The following ABCC4 variants were observed in gnomAD, a reference collection of about 807,000 sequenced individuals.
The protein encoded by ABCC4 is ATP binding cassette subfamily C member 4 (PEL blood group), also known as ATP-binding cassette sub-family C member 4.
In ABCC4, 102 loss-of-function variants were observed where a neutral mutation model predicts 168.5. The observed-to-expected ratio is 0.61, with a 90% CI of 0.52 to 0.71. The LOEUF (loss-of-function observed/expected upper bound fraction) is 0.71, where lower values mean the gene tolerates loss of function less well. Among genes scored for constraint, ABCC4 ranks in the 30% least tolerant of loss-of-function variants. The pLI is 0.00. For missense variants in ABCC4, 1,402 were observed against 1,605.8 expected (o/e 0.87, Z 2.17); for synonymous variants, 617 against 590.7 (o/e 1.04, Z -0.65).
intron 29 of ABCC4, among the ~76,000 whole-genome samples, chr13:95,039,330 G>T (rs1280847766): frequency 6.6e-6 from 1 of 152,122 alleles, no homozygotes; most frequent in Non-Finnish European, 1.5e-5. Context: ...CAGATTAGGG[G>T]ACTCAATCTG....
chr13:95,184,385 C>T (rs1204425957), intron 11 of ABCC4, among the ~76,000 whole-genome samples: 1 of 152,172 alleles, frequency 6.6e-6, no homozygotes, highest in African/African-American at 2.4e-5. Context: ...TATCAATCAC[C>T]TAATTGTTAA....
At chr13:95,080,308 T>C (rs1185775516) in intron 21 of ABCC4, among the ~76,000 whole-genome samples, 2 of 152,200 alleles carry the variant, frequency 1.3e-5, no homozygotes, top group African/African-American at 4.8e-5. Flanking sequence ...CCATTCCGGT[T>C]TTTATGTACT....
At chr13:95,097,225 A>G (rs1476542732) in intron 20 of ABCC4, among the ~76,000 whole-genome samples, 1 of 92,994 alleles carries the variant, frequency 1.1e-5, no homozygotes, top group Non-Finnish European at 2.4e-5. Context: ...AAAAATAAGA[A>G]CATATATTCT....
At chr13:95,172,364 T>C (rs1209376951) in intron 13 of ABCC4, among the ~76,000 whole-genome samples, 4 of 152,118 alleles carry the variant, frequency 2.6e-5, no homozygotes, top group African/African-American at 9.7e-5. Flanking sequence ...GACAGATCAC[T>C]TGAGGTCGGG....
chr13:95,023,032 C>T (rs1044160379), intron 30 of ABCC4, among the ~76,000 whole-genome samples: 4 of 152,228 alleles, frequency 2.6e-5, no homozygotes, highest in East Asian at 1.9e-4. Flanking sequence ...ATATCATCTC[C>T]CTCTCCCACT....
At position 95,208,350 on chromosome 13, in the gene ABCC4, AAG is replaced by A. The variant is rs1491234623; in HGVS notation, c.786-427_786-426del. ...AAGAGGAGAGCAAAAAAAAAAAAAAAAGCTTCAGAGGACCAGGAGCATTTGAA... is the reference window on the plus strand; with the variant it reads ...AAGAGGAGAGCAAAAAAAAAAAAAAACTTCAGAGGACCAGGAGCATTTGAA... On this transcript the variant is annotated intron_variant, in intron 6 of 30. Transcript: ENST00000645237. 2.7e-3 allele frequency among the ~76,000 whole-genome samples: 341 copies of A among 126,014 alleles called. 1 individual carries two copies. The highest frequency in any genetic ancestry group is 7.6e-3 in the African/African-American group (239 of 31,532). The allele number at this position is 126,014 out of a possible 152,430, so 82.7% of individuals were successfully genotyped here. A position where few individuals can be genotyped will look rare whatever the true frequency, so the allele number is the denominator to read the frequency against.
In ABCC4 at chr13:95,054,761, C is replaced by A. The variant is rs146475461; in HGVS notation, c.3367-1577G>T. Among the ~76,000 whole-genome samples, 458 of 152,234 alleles carry A rather than the reference C, an allele frequency of 3.0e-3. 5 individuals are homozygous for A. Among genetic ancestry groups the A allele is most frequent in the African/African-American group, 0.011 (441 of 41,522 alleles). Reference sequence around the variant, plus strand: ...ACCACTGGCCTCAAATCTCACCTGGCTTTGGGGCAGGACTGTTCCTCCTCA... The same window carrying A: ...ACCACTGGCCTCAAATCTCACCTGGATTTGGGGCAGGACTGTTCCTCCTCA... On this transcript the variant is annotated intron_variant, in intron 26 of 30. Transcript: ENST00000645237.
chr13:95,034,241 T>G (rs991683666), intron 30 of ABCC4, among the ~76,000 whole-genome samples: 1 of 152,208 alleles, frequency 6.6e-6, no homozygotes, highest in African/African-American at 2.4e-5. Flanking sequence ...TCAATAAGAA[T>G]GAAATGCAAT....
chr13:95,224,205 A>C (rs917069141), intron 4 of ABCC4, among the ~76,000 whole-genome samples: 3 of 145,360 alleles, frequency 2.1e-5, no homozygotes, highest in African/African-American at 7.7e-5. Context: ...AATCAACCCA[A>C]AAAAAAAAAA....
intron 14 of ABCC4, 197 bp downstream of exon 14, chr13:95,170,335 T>C: frequency 2.2e-6 from 1 of 460,036 alleles, no homozygotes; most frequent in Non-Finnish European, 3.8e-6. Context: ...TGTAGTAACC[T>C]TGAGGTAGCA....
At chr13:95,062,631 C>A in intron 26 of ABCC4, 73 bp downstream of exon 26, 55 of 1,347,614 alleles carry the variant, frequency 4.1e-5, no homozygotes, top group South Asian at 2.3e-4. Context: ...TTAAAAAAAG[C>A]AATAAGAGTA....
chr13:95,030,388 C>T (rs2031821623), intron 30 of ABCC4, among the ~76,000 whole-genome samples: 1 of 152,182 alleles, frequency 6.6e-6, no homozygotes, highest in Middle Eastern at 3.4e-3. Flanking sequence ...CTCTGTTACT[C>T]ACTGGGAACC....
chr13:95,195,021 A>C, intron 8 of ABCC4, 84 bp from the exon 9 acceptor site: 1 of 1,154,842 alleles, frequency 8.7e-7, no homozygotes, highest in South Asian at 1.3e-5. Flanking sequence ...TGGAATTTGT[A>C]ACATAAAACT....
At chr13:95,034,207 A>G (rs968027649) in intron 30 of ABCC4, among the ~76,000 whole-genome samples, 1 of 152,240 alleles carries the variant, frequency 6.6e-6, no homozygotes, top group Non-Finnish European at 1.5e-5. Flanking sequence ...AATCTCCTGT[A>G]TGTACCTCAA....
intron 20 of ABCC4, among the ~76,000 whole-genome samples, chr13:95,104,041 G>C (rs947902136): frequency 6.6e-6 from 1 of 152,162 alleles, no homozygotes; most frequent in African/African-American, 2.4e-5. Context: ...ATGTGAACTT[G>C]TATTTGGCCA....
intron 20 of ABCC4, among the ~76,000 whole-genome samples, chr13:95,102,746 A>G: frequency 6.6e-6 from 1 of 150,656 alleles, no homozygotes; most frequent in South Asian, 2.1e-4. Flanking sequence ...TCAGCCCCCC[A>G]AGTAGCTGGT....
intron 25 of ABCC4, among the ~76,000 whole-genome samples, chr13:95,067,478 A>G (rs2033587771): frequency 6.6e-6 from 1 of 152,126 alleles, no homozygotes; most frequent in African/African-American, 2.4e-5. Context: ...GTCATCCAAA[A>G]TTGCTTACCG....
chr13:95,061,203 A>G (rs995635891), intron 26 of ABCC4, among the ~76,000 whole-genome samples: 5 of 152,206 alleles, frequency 3.3e-5, no homozygotes, highest in Non-Finnish European at 7.3e-5. Flanking sequence ...TGGATGTACA[A>G]AACTCTGAGA....
At chr13:95,080,401 TTTG>T (rs371523809) in intron 21 of ABCC4, among the ~76,000 whole-genome samples, 3,961 of 152,148 alleles carry the variant, frequency 0.026, 157 homozygotes, top group African/African-American at 0.089. Flanking sequence ...TTTGTTTTGT[TTTG>T]TTTTGTTTTG....
Sources: gnomAD v4.1 joint callset for allele counts (sites outside exome capture counted in the v4.1 genomes callset) on GRCh38, gnomAD v4.1.1 for gene constraint, MANE v1.5 for transcripts, NCBI Gene and HGNC (gene_info 2026-07-23, HGNC 2026-07-21) for gene names.